Variants in DRC9 observed in about 807,000 individuals in gnomAD.
DRC9 encodes the protein dynein regulatory complex subunit 9, also known as dynein regulatory complex protein 9.
the DRC9 span, chr3:197,926,167 G>T: frequency 1.1e-6 from 1 of 892,588 alleles, no homozygotes. Context: ...CGTGCACAAG[G>T]ACCACCCCGC....
the DRC9 span, among the ~76,000 whole-genome samples, chr3:197,901,217 C>T: frequency 6.6e-5 from 10 of 152,290 alleles, no homozygotes; most frequent in African/African-American, 2.2e-4. The surrounding 1 kb of genome is among the most constrained non-coding windows in gnomAD (Gnocchi z 4.4). Flanking sequence ...TGGCTCACTG[C>T]AACCTCCACC....
At chr3:197,911,524 A>G in the DRC9 span, among the ~76,000 whole-genome samples, 1 of 152,258 alleles carries the variant, frequency 6.6e-6, no homozygotes, top group Non-Finnish European at 1.5e-5. Context: ...GGAACGTTAA[A>G]CACAATTTTC....
At chr3:197,909,946 C>T in the DRC9 span, among the ~76,000 whole-genome samples, 9 of 152,032 alleles carry the variant, frequency 5.9e-5, no homozygotes, top group Admixed American at 6.6e-5. Context: ...GCCGAGATCG[C>T]GCCATTGCAC....
chr3:197,957,003 T>C, the DRC9 span: 5 of 152,216 alleles, frequency 3.3e-5, no homozygotes, highest in Non-Finnish European at 7.3e-5. Flanking sequence ...TTTGCAGTTT[T>C]GCAGCGTGTA....
chr3:197,921,110 A>G, the DRC9 span, among the ~76,000 whole-genome samples: 5,681 of 90,606 alleles, frequency 0.063, 251 homozygotes, highest in African/African-American at 0.091. Flanking sequence ...ACCTGATTTC[A>G]TCTTGGTCGA....
the DRC9 span, among the ~76,000 whole-genome samples, chr3:197,932,830 T>A: frequency 1.0e-5 from 1 of 99,132 alleles, no homozygotes; most frequent in Admixed American, 9.8e-5. Context: ...ATATATGTAT[T>A]TATATATGTA....
chr3:197,956,770 C>T, the DRC9 span: 1 of 152,032 alleles, frequency 6.6e-6, no homozygotes, highest in Non-Finnish European at 1.5e-5. Context: ...GCTGGGGCCA[C>T]AGGCATGTGC....
the DRC9 span, among the ~76,000 whole-genome samples, chr3:197,923,731 A>G: frequency 9.9e-5 from 15 of 152,158 alleles, no homozygotes; most frequent in South Asian, 3.1e-3. Flanking sequence ...CCGTGTCTCA[A>G]AAACAAAACA....
chr3:197,891,565 C>T, the DRC9 span: 1 of 1,390,422 alleles, frequency 7.2e-7, no homozygotes. Flanking sequence ...GATAGACATT[C>T]ATCATTTATT....
At chr3:197,934,570 A>C in the DRC9 span, among the ~76,000 whole-genome samples, 3 of 152,194 alleles carry the variant, frequency 2.0e-5, no homozygotes, top group Non-Finnish European at 4.4e-5. Context: ...AGGAAAGTTA[A>C]GTGACTTGCC....
At chr3:197,939,422 TA>T in the DRC9 span, among the ~76,000 whole-genome samples, 1 of 152,184 alleles carries the variant, frequency 6.6e-6, no homozygotes, top group African/African-American at 2.4e-5. Context: ...ACTTGAATAT[TA>T]AGGGACCGCA....
chr3:197,946,948 G>A, the DRC9 span, among the ~76,000 whole-genome samples: 1 of 151,830 alleles, frequency 6.6e-6, no homozygotes, highest in Admixed American at 6.6e-5. Flanking sequence ...TCAGCCTCCC[G>A]AGTAACTGGG....
At chr3:197,952,261 C>G in the DRC9 span, among the ~76,000 whole-genome samples, 22 of 150,130 alleles carry the variant, frequency 1.5e-4, no homozygotes, top group East Asian at 9.9e-4. Flanking sequence ...CCTCCGCCTC[C>G]CGGGTTCAAG....
the DRC9 span, among the ~76,000 whole-genome samples, chr3:197,910,982 C>CAAAAAA: frequency 4.6e-4 from 28 of 61,474 alleles, no homozygotes; most frequent in South Asian, 5.7e-4. Context: ...AAAAACAAAA[C>CAAAAAA]AAAAAAAAAA....
chr3:197,960,143 T>C, the DRC9 span: 5 of 1,291,444 alleles, frequency 3.9e-6, no homozygotes, highest in African/African-American at 7.5e-5. Context: ...GGAAAGCGCC[T>C]TTCCGCCGGC....
At chr3:197,950,808 T>C in the DRC9 span, 7 of 763,424 alleles carry the variant, frequency 9.2e-6, no homozygotes, top group Admixed American at 1.7e-4. Context: ...GTTCTGGCAT[T>C]GTTGTCCCCG....
chr3:197,960,095 T>G, the DRC9 span: 2 of 773,542 alleles, frequency 2.6e-6, no homozygotes, highest in Non-Finnish European at 4.0e-6. Flanking sequence ...CGCCCTCATC[T>G]TCTGCGGCGA....
At chr3:197,941,144 TTCCCTCCC>T in the DRC9 span, among the ~76,000 whole-genome samples, 4 of 146,784 alleles carry the variant, frequency 2.7e-5, no homozygotes, top group African/African-American at 1.1e-4. Flanking sequence ...CCTTCCTTCC[TTCCCTCCC>T]TCCCTCCTTC....
the DRC9 span, among the ~76,000 whole-genome samples, chr3:197,924,482 T>C: frequency 6.6e-6 from 1 of 152,220 alleles, no homozygotes; most frequent in Non-Finnish European, 1.5e-5. Flanking sequence ...TCCAAACAGC[T>C]GGTCAGTGAA....
Sources: gnomAD v4.1 joint callset for allele counts (sites outside exome capture counted in the v4.1 genomes callset) on GRCh38, gnomAD v4.1.1 for gene constraint, Gnocchi (gnomAD v3.1) non-coding constraint, MANE v1.5 for transcripts, NCBI Gene and HGNC (gene_info 2026-07-23, HGNC 2026-07-21) for gene names.